The following CNTN3 variants were observed in gnomAD, a reference collection of about 807,000 sequenced individuals.
CNTN3 encodes the protein contactin-3.
CNTN3 carries 60 observed loss-of-function variants against 119.1 expected under a neutral mutation model. That is an observed-to-expected ratio of 0.50 (90% CI 0.41 to 0.62). CNTN3 has a LOEUF of 0.62. CNTN3 is among the 20% of genes least tolerant of loss of function. The pLI is 0.00. For synonymous variants in CNTN3, 450 were observed against 438.7 expected (o/e 1.03, Z -0.32); for missense variants, 1,101 against 1,242.4 (o/e 0.89, Z 1.71).
intron 1 of CNTN3, among the ~76,000 whole-genome samples, chr3:74,580,317 A>G (rs148397172): frequency 6.6e-6 from 1 of 152,330 alleles, no homozygotes; most frequent in African/African-American, 2.4e-5. Flanking sequence ...CATTAAGAAA[A>G]TATCAATCTT....
At chr3:74,296,484 TA>T (rs1031020109) in intron 18 of CNTN3, among the ~76,000 whole-genome samples, 25 of 149,384 alleles carry the variant, frequency 1.7e-4, no homozygotes, top group Middle Eastern at 3.4e-3. Flanking sequence ...GTATAACCCT[TA>T]AAAAAAAAAT....
At chr3:74,410,907 G>C (rs1293755910) in intron 5 of CNTN3, among the ~76,000 whole-genome samples, 2 of 152,050 alleles carry the variant, frequency 1.3e-5, no homozygotes, top group African/African-American at 4.8e-5. Context: ...TAATGATATA[G>C]TAAAGAAATG....
At chr3:74,334,656 A>T (rs1029804144) in intron 13 of CNTN3, 79 bp downstream of exon 13, 3 of 1,266,526 alleles carry the variant, frequency 2.4e-6, no homozygotes, top group South Asian at 1.4e-5. Flanking sequence ...AGCATTGTCT[A>T]TATGTCAGAC....
intron 1 of CNTN3, among the ~76,000 whole-genome samples, chr3:74,575,196 A>T (rs533641669): frequency 8.1e-4 from 123 of 152,112 alleles, no homozygotes; most frequent in Non-Finnish European, 1.6e-3. Flanking sequence ...AAGTACTAGG[A>T]TTACAGGCAT....
intron 1 of CNTN3, among the ~76,000 whole-genome samples, chr3:74,591,548 T>C (rs1459104860): frequency 6.6e-6 from 1 of 151,802 alleles, no homozygotes; most frequent in Non-Finnish European, 1.5e-5. Flanking sequence ...AGGCAGCAGC[T>C]GTAGTCACTG....
chr3:74,330,401 CATA>C (rs1031816959), intron 13 of CNTN3, among the ~76,000 whole-genome samples: 14 of 151,746 alleles, frequency 9.2e-5, no homozygotes, highest in Non-Finnish European at 2.1e-4. Context: ...CTGTAGCCAT[CATA>C]ATATTACAGC....
chr3:74,572,040 T>C (rs887193590), intron 1 of CNTN3, among the ~76,000 whole-genome samples: 2 of 151,264 alleles, frequency 1.3e-5, no homozygotes, highest in Non-Finnish European at 2.9e-5. Flanking sequence ...ACTCTTCTCA[T>C]CAACTGTTTT....
At chr3:74,554,800 A>G (rs188081277) in intron 1 of CNTN3, among the ~76,000 whole-genome samples, 10 of 152,204 alleles carry the variant, frequency 6.6e-5, no homozygotes, top group Non-Finnish European at 1.5e-4. Context: ...TGTCAGCTTA[A>G]GAAGATTTTG....
At chr3:74,463,794 C>T (rs370070153) in intron 4 of CNTN3, among the ~76,000 whole-genome samples, 27 of 152,220 alleles carry the variant, frequency 1.8e-4, no homozygotes, top group African/African-American at 6.5e-4. Context: ...TGAAATGACG[C>T]TGTTGTCTAA....
chr3:74,512,254 A>G (rs2107105875), intron 2 of CNTN3, among the ~76,000 whole-genome samples: 1 of 152,292 alleles, frequency 6.6e-6, no homozygotes, highest in South Asian at 2.1e-4. Context: ...AGCCTCCTAT[A>G]TACATGGCCT....
intron 1 of CNTN3, among the ~76,000 whole-genome samples, chr3:74,583,065 T>C (rs1028918076): frequency 1.3e-5 from 2 of 151,582 alleles, no homozygotes; most frequent in African/African-American, 2.4e-5. Flanking sequence ...GCTAGAAAAA[T>C]AGTTTAGAAT....
intron 4 of CNTN3, among the ~76,000 whole-genome samples, chr3:74,479,809 T>A (rs2107024430): frequency 6.6e-6 from 1 of 152,170 alleles, no homozygotes; most frequent in East Asian, 1.9e-4. Context: ...CTCTGATGGC[T>A]CTAGGATATA....
chr3:74,584,772 A>G (rs1376658405), intron 1 of CNTN3, among the ~76,000 whole-genome samples: 1 of 152,170 alleles, frequency 6.6e-6, no homozygotes, highest in Non-Finnish European at 1.5e-5. Context: ...TATTAAATAG[A>G]TACTATTATT....
intron 20 of CNTN3, among the ~76,000 whole-genome samples, chr3:74,271,811 C>A (rs924783745): frequency 3.9e-4 from 59 of 152,148 alleles, no homozygotes; most frequent in African/African-American, 1.4e-3. Flanking sequence ...TATGCACCCC[C>A]CCAATAGTAA....
rs1299127961 is a variant in CNTN3, at chr3:74,288,154, C to CTTTT, written c.2518-2667_2518-2664dup. On this transcript the variant is annotated intron_variant, in intron 19 of 22. Transcript: ENST00000263665. ...TTTGACATCTTTTTTCTTTTCTTTT[C>CTTTT]TTTTCTTTTTTTTTTTTTTTTTGAG... 4.2e-4 allele frequency among the ~76,000 whole-genome samples: 37 copies of CTTTT among 88,280 alleles called. 4 individuals carry two copies. In the East Asian group the frequency reaches 6.5e-3, roughly 16 times the overall value. 57.9% of individuals were successfully genotyped at this position (88,280 alleles called of 152,430 possible).
chr3:74,364,203 G>A (rs1040880496), intron 10 of CNTN3, among the ~76,000 whole-genome samples: 1 of 152,080 alleles, frequency 6.6e-6, no homozygotes, highest in African/African-American at 2.4e-5. Context: ...AATATTGGAG[G>A]TGGATAAGGA....
intron 16 of CNTN3, among the ~76,000 whole-genome samples, chr3:74,300,360 G>C (rs964225903): frequency 1.3e-5 from 2 of 152,078 alleles, no homozygotes; most frequent in Admixed American, 6.5e-5. Context: ...TCAAACCCTC[G>C]AATCTTGTTT....
chr3:74,365,134 A>G (rs1274806420), intron 9 of CNTN3, among the ~76,000 whole-genome samples: 5 of 152,128 alleles, frequency 3.3e-5, no homozygotes, highest in Non-Finnish European at 1.5e-5. Flanking sequence ...CAAAAATTAC[A>G]TGGCTTGAGA....
chr3:74,334,024 C>T (rs1416032941), intron 13 of CNTN3, among the ~76,000 whole-genome samples: 1 of 152,170 alleles, frequency 6.6e-6, no homozygotes, highest in Non-Finnish European at 1.5e-5. Context: ...TGAGGCTTAC[C>T]ATTAGCCTGG....
Sources: allele counts gnomAD v4.1 joint callset (sites outside exome capture counted in the v4.1 genomes callset), GRCh38; gene constraint gnomAD v4.1.1; transcripts MANE v1.5; gene names NCBI Gene and HGNC (gene_info 2026-07-23, HGNC 2026-07-21).